The following NUFIP1 variants were observed in gnomAD, a reference collection of about 807,000 sequenced individuals.
The protein encoded by NUFIP1 is nuclear FMR1 interacting protein 1, also known as FMR1-interacting protein NUFIP1.
In NUFIP1, 38 loss-of-function variants were observed where a neutral mutation model predicts 56.2. That is an observed-to-expected ratio of 0.68 (90% confidence interval 0.52 to 0.89). The LOEUF is 0.89. Ranked by LOEUF, NUFIP1 falls within the 40% of genes least tolerant of loss-of-function variation. The pLI is 0.00. For missense variants in NUFIP1, 567 were observed against 605.8 expected (o/e 0.94, Z 0.67); for synonymous variants, 215 against 212.4 (o/e 1.01, Z -0.10).
intron 5 of NUFIP1, among the ~76,000 whole-genome samples, chr13:44,978,892 T>C (rs1168945315): frequency 1.3e-5 from 2 of 152,180 alleles, no homozygotes; most frequent in African/African-American, 4.8e-5. Context: ...TTCTGTATAA[T>C]ACACTTTTTG....
chr13:44,951,004 G>T (rs1162257397), intron 7 of NUFIP1, among the ~76,000 whole-genome samples: 1 of 152,162 alleles, frequency 6.6e-6, no homozygotes, highest in Non-Finnish European at 1.5e-5. Flanking sequence ...TAGGAAATGG[G>T]AATATCTTTC....
In NUFIP1 at chr13:44,986,273, A is replaced by C. The variant is rs577302128; in HGVS notation, c.412+2752T>G. Among the ~76,000 whole-genome samples the C allele has an allele frequency of 1.5e-4, 23 of 152,338 alleles. No individual in the cohort carries two copies. In the South Asian group the frequency reaches 4.8e-3, roughly 32 times the overall value. On this transcript the variant is annotated intron_variant, in intron 1 of 9. Transcript: ENST00000379161. ...ATTCATGATTTATGGAAGGAGGTCA[A>C]AAGATCAACATTAACAGGAGTTTGA...
rs75696445 is a variant in NUFIP1 at position 44,989,400 on chromosome 13, C to T, written c.37G>A (p.Gly13Arg). Reference sequence around the variant, plus strand: ...GTCAGCTCGGGAGACGCATGCCACCCGATAGGAGTCTCGAAATCACTAGTC... The same window carrying T: ...GTCAGCTCGGGAGACGCATGCCACCTGATAGGAGTCTCGAAATCACTAGTC... ...EPTSDFETPI[G>R]WHASPELTPT... The change falls in exon 1 of 10, where the codon GGG becomes AGG. Residue 13 changes from glycine to arginine, a missense_variant. Coordinates refer to ENST00000379161, the MANE Select transcript of NUFIP1 (RefSeq NM_012345.3). 8.4e-4 allele frequency: 1,350 copies of T among 1,613,536 alleles called. 9 individuals are homozygous for T. In the African/African-American group the frequency reaches 0.016, roughly 19 times the overall value.
Position 44,979,960 on chromosome 13 carries a change from T to C in NUFIP1, c.595-8A>G. ...GCAATCTAATTCAGGGCACTATGAGTTTTTAAAAGAAAAAAAAAACTATTT... is the reference window on the plus strand; with the variant it reads ...GCAATCTAATTCAGGGCACTATGAGCTTTTAAAAGAAAAAAAAAACTATTT... On this transcript the variant is annotated splice_region_variant and splice_polypyrimidine_tract_variant and intron_variant, in intron 3 of 9. Transcript: ENST00000379161. 3 of 1,588,736 alleles carry C rather than the reference T, an allele frequency of 1.9e-6. No individual in the cohort carries two copies. Among genetic ancestry groups the C allele is most frequent in the Non-Finnish European group, 2.6e-6 (3 of 1,170,692 alleles).
intron 8 of NUFIP1, among the ~76,000 whole-genome samples, chr13:44,945,379 A>T (rs544223696): frequency 7.2e-5 from 11 of 152,156 alleles, no homozygotes; most frequent in Admixed American, 1.3e-4. Context: ...ACTTTCCCAA[A>T]AACAAAATGC....
chr13:44,982,118 T>C lies in NUFIP1; in HGVS notation c.449A>G (p.Lys150Arg). The C allele has an allele frequency of 6.6e-7, 1 of 1,509,160 alleles. No homozygotes were observed. The highest frequency in any genetic ancestry group is 8.8e-7 in the Non-Finnish European group (1 of 1,130,372). 93.5% of individuals were successfully genotyped at this position (1,509,160 alleles called of 1,614,324 possible). ...GGGAGGTAAGCTGAAGTCTGTGAAT[T>C]TTGCATCATACTTTCGTGGATAATA... ...NSYYPRKYDAKFTDFSLPPSR... is the reference protein window; with the variant it reads ...NSYYPRKYDARFTDFSLPPSR... Residue 150 changes from lysine (K) to arginine (R), a missense_variant, in exon 2 of 10, where the codon AAA (lysine) becomes AGA (arginine). Physicochemically the swap from Lys to Arg is conservative, Grantham distance 26 (BLOSUM62 2). Coordinates refer to ENST00000379161, the MANE Select transcript of NUFIP1 (RefSeq NM_012345.3).
intron 1 of NUFIP1, among the ~76,000 whole-genome samples, chr13:44,986,866 G>C (rs1210939952): frequency 2.0e-5 from 3 of 151,994 alleles, no homozygotes; most frequent in East Asian, 1.9e-4. Flanking sequence ...GACAACAAAG[G>C]ATTTATAATA....
At chr13:44,964,752 G>A (rs1341265281) in intron 6 of NUFIP1, among the ~76,000 whole-genome samples, 3 of 152,120 alleles carry the variant, frequency 2.0e-5, no homozygotes, top group Non-Finnish European at 4.4e-5. Context: ...AGAGTTATCA[G>A]CACCTCATCT....
chr13:44,978,709 G>A (rs1269795433), intron 5 of NUFIP1, among the ~76,000 whole-genome samples: 2 of 152,006 alleles, frequency 1.3e-5, no homozygotes, highest in African/African-American at 4.8e-5. Context: ...TTATTTAGCG[G>A]TAAGCCTGGG....
At chr13:44,959,923 CT>C (rs1871365276) in intron 6 of NUFIP1, among the ~76,000 whole-genome samples, 1 of 151,090 alleles carries the variant, frequency 6.6e-6, no homozygotes, top group African/African-American at 2.4e-5. Context: ...ATGAAAGTTT[CT>C]TTTTTCTTCT....
intron 7 of NUFIP1, among the ~76,000 whole-genome samples, chr13:44,956,333 G>A (rs1244486038): frequency 6.6e-6 from 1 of 151,958 alleles, no homozygotes; most frequent in Non-Finnish European, 1.5e-5. Context: ...AAGAACCTAT[G>A]GCCTAAAACA....
At chr13:44,969,820 G>A (rs905383848) in intron 5 of NUFIP1, among the ~76,000 whole-genome samples, 24 of 152,014 alleles carry the variant, frequency 1.6e-4, no homozygotes, top group Admixed American at 1.3e-3. Flanking sequence ...CTCAAATCAC[G>A]ACCCATTTAT....
At chr13:44,949,987 T>G (rs1389344637) in intron 7 of NUFIP1, 149 bp from the exon 8 acceptor site, 1 of 657,438 alleles carries the variant, frequency 1.5e-6, no homozygotes, top group Admixed American at 2.2e-5. Context: ...CCAGAAACAC[T>G]TCCCCTTGGT....
chr13:44,980,581 C>A, intron 3 of NUFIP1, 141 bp downstream of exon 3: 1 of 645,808 alleles, frequency 1.5e-6, no homozygotes, highest in Non-Finnish European at 2.6e-6. Context: ...AGGGTCACTG[C>A]CCCTATCTGT....
chr13:44,979,162 T>G, intron 5 of NUFIP1, 28 bp downstream of exon 5: 1 of 1,548,840 alleles, frequency 6.5e-7, no homozygotes, highest in South Asian at 1.2e-5. Flanking sequence ...GTAAAACAGT[T>G]ATTTCACCAG....
At position 44,968,623 on chromosome 13, in the gene NUFIP1, G is replaced by A. The variant is rs561446526; in HGVS notation, c.735-2687C>T. 2.6e-5 allele frequency among the ~76,000 whole-genome samples: 4 copies of A among 152,286 alleles called. No homozygotes were observed. The South Asian group carries it at 8.3e-4, about 32-fold the overall frequency. ...AAGTAGAAATGAGAAAAACAGTAATGATTTTTACAGGCCTCACAGTGGCGA... is the reference window on the plus strand; with the variant it reads ...AAGTAGAAATGAGAAAAACAGTAATAATTTTTACAGGCCTCACAGTGGCGA... On this transcript the variant is annotated intron_variant, in intron 5 of 9. Coordinates refer to ENST00000379161, the MANE Select transcript of NUFIP1 (RefSeq NM_012345.3).
rs1872586721 is a variant in NUFIP1, at chr13:44,989,464, G to T, written c.-28C>A. On this transcript the variant is annotated 5_prime_UTR_variant, in exon 1 of 10. Transcript: ENST00000379161. ...CACTGGCGGGTCCGGAGTCTAGCAC[G>T]CGACTGTGGAGCAAGCATTAGGCGT... 3 of 1,609,506 alleles carry T rather than the reference G, an allele frequency of 1.9e-6. No individual in the cohort carries two copies. Among genetic ancestry groups the T allele is most frequent in the African/African-American group, 1.3e-5 (1 of 74,860 alleles).
intron 5 of NUFIP1, among the ~76,000 whole-genome samples, chr13:44,974,573 A>C (rs1422377560): frequency 6.6e-6 from 1 of 152,064 alleles, no homozygotes; most frequent in Non-Finnish European, 1.5e-5. Context: ...TTTTTTTGAG[A>C]CAAGGTTTCG....
chr13:44,941,981 C>T (rs1465661235), intron 9 of NUFIP1, among the ~76,000 whole-genome samples: 2 of 151,570 alleles, frequency 1.3e-5, no homozygotes, highest in African/African-American at 4.9e-5. Context: ...GATCTCAGCT[C>T]ACCATAACCT....
Sources: gnomAD v4.1 joint callset for allele counts (sites outside exome capture counted in the v4.1 genomes callset) on GRCh38, gnomAD v4.1.1 for gene constraint, MANE v1.5 for transcripts, NCBI Gene and HGNC (gene_info 2026-07-23, HGNC 2026-07-21) for gene names.